MYO19: variants seen among roughly 807,000 people sequenced by gnomAD.
The protein encoded by MYO19 is myosin XIX.
MYO19 carries 132 observed loss-of-function variants against 129.2 expected under a neutral mutation model. The observed-to-expected ratio is 1.02, with a 90% CI of 0.89 to 1.18. The LOEUF is 1.18. MYO19 is among the 50% of genes most tolerant of loss of function. MYO19 has a pLI of 0.00. For synonymous variants in MYO19, 531 were observed against 477.2 expected (o/e 1.11, Z -1.47); for missense variants, 1,210 against 1,216.7 (o/e 0.99, Z 0.08).
intron 14 of MYO19, 25 bp from the exon 15 acceptor site, chr17:36,507,949 G>T: frequency 1.3e-6 from 2 of 1,578,290 alleles, no homozygotes; most frequent in Non-Finnish European, 1.7e-6. Flanking sequence ...GAGAACCCAT[G>T]GGGCCACTGC....
intron 2 of MYO19, 34 bp downstream of exon 2, chr17:36,533,919 A>T (rs1303051506): frequency 1.3e-5 from 2 of 151,658 alleles, no homozygotes; most frequent in Admixed American, 6.6e-5. Flanking sequence ...TCCAGATCTC[A>T]CGGGGCTAAA....
chr17:36,514,842 G>A (rs79993754), intron 8 of MYO19, among the ~76,000 whole-genome samples: 5 of 152,322 alleles, frequency 3.3e-5, no homozygotes, highest in Non-Finnish European at 7.3e-5. Flanking sequence ...CAAAGAGGTG[G>A]CAATTTAGCT....
intron 13 of MYO19, chr17:36,509,375 G>C (rs1353939529): frequency 3.5e-6 from 2 of 577,760 alleles, no homozygotes; most frequent in African/African-American, 1.9e-5. Flanking sequence ...CTTATGGGAA[G>C]ACTGAGCACA....
chr17:36,498,124 G>A (rs1037060391), intron 25 of MYO19, 142 bp downstream of exon 25: 22 of 810,746 alleles, frequency 2.7e-5, no homozygotes, highest in South Asian at 1.4e-4. Flanking sequence ...CAGCTGATTG[G>A]GACATGCAGC....
chr17:36,532,504 G>T, intron 3 of MYO19, 23 bp downstream of exon 3: 1 of 1,553,984 alleles, frequency 6.4e-7, no homozygotes, highest in Non-Finnish European at 8.7e-7. Flanking sequence ...GAGGGCCTGG[G>T]TTATCTAAGG....
At chr17:36,544,376 G>A (rs2074223408), upstream of MYO19, among the ~76,000 whole-genome samples, 1 of 152,132 alleles carries the variant, frequency 6.6e-6, no homozygotes, top group East Asian at 1.9e-4. Flanking sequence ...TCTTCCCACC[G>A]TGGGAAGCGA....
chr17:36,497,389 GA>G (rs886938719), intron 25 of MYO19, among the ~76,000 whole-genome samples: 11 of 151,426 alleles, frequency 7.3e-5, no homozygotes, highest in Non-Finnish European at 1.5e-4. Flanking sequence ...GCCAGAAAAG[GA>G]AAAAACCAAG....
intron 21 of MYO19, chr17:36,501,458 C>G: frequency 2.0e-6 from 1 of 494,472 alleles, no homozygotes; most frequent in Non-Finnish European, 3.6e-6. Context: ...TACCCACTTG[C>G]GCCTGTGTGT....
chr17:36,531,786 C>T (rs1374545066), intron 3 of MYO19, among the ~76,000 whole-genome samples: 1 of 152,118 alleles, frequency 6.6e-6, no homozygotes, highest in African/African-American at 2.4e-5. Context: ...CAGGCACTTA[C>T]CTACCCAAGA....
rs2070967646 is a variant in MYO19, at chr17:36,496,365, A to ATACCGCAGTGGAGACT, written c.2783_2798dup (p.Tyr933Ter). 3 of 1,613,926 alleles carry ATACCGCAGTGGAGACT rather than the reference A, an allele frequency of 1.9e-6. No individual in the cohort carries two copies. In the African/African-American group the frequency reaches 4.0e-5, roughly 22 times the overall value. The stretch of plus-strand genomic sequence containing the variant: ...GTGAAGGTTCAGGGCAGATGTCAGC[A>ATACCGCAGTGGAGACT]TACCGCAGTGGAGACTTTCTGCAGT... On this transcript the variant is annotated stop_gained and frameshift_variant, in exon 26 of 26. Transcript: ENST00000614623. LOFTEE classifies it high-confidence loss of function.
intron 5 of MYO19, among the ~76,000 whole-genome samples, chr17:36,526,766 A>G (rs1479564190): frequency 6.6e-6 from 1 of 152,164 alleles, no homozygotes; most frequent in Non-Finnish European, 1.5e-5. Flanking sequence ...GGGCACCTGT[A>G]GTCCCAGCTA....
At chr17:36,496,869 T>C (rs1901887899) in intron 25 of MYO19, among the ~76,000 whole-genome samples, 2 of 152,120 alleles carry the variant, frequency 1.3e-5, no homozygotes, top group African/African-American at 4.8e-5. Context: ...ATCCAGTGAA[T>C]GGGGCAGAAC....
chr17:36,517,205 G>A (rs1416771938), intron 6 of MYO19, among the ~76,000 whole-genome samples: 1 of 152,006 alleles, frequency 6.6e-6, no homozygotes, highest in African/African-American at 2.4e-5. Flanking sequence ...CCTGATACTG[G>A]TGATTTACAT....
At chr17:36,507,270 A>G in intron 16 of MYO19, 129 bp downstream of exon 16, 1 of 1,428,054 alleles carries the variant, frequency 7.0e-7, no homozygotes, top group East Asian at 2.3e-5. Context: ...CAGAAAAAAT[A>G]TAGCAATTAG....
chr17:36,505,563 C>A (rs889068507), intron 18 of MYO19, among the ~76,000 whole-genome samples, 159 bp from the exon 19 acceptor site: 5 of 152,188 alleles, frequency 3.3e-5, no homozygotes, highest in Non-Finnish European at 7.3e-5. Flanking sequence ...AGGCTCTCAA[C>A]GAGCAGGCTC....
At position 36,525,341 on chromosome 17, in the gene MYO19, T is replaced by C. The variant is rs755060544; in HGVS notation, c.301A>G (p.Lys101Glu). 63 of 1,607,630 alleles carry C rather than the reference T, an allele frequency of 3.9e-5. No individual in the cohort carries two copies. Among genetic ancestry groups the C allele is most frequent in the Non-Finnish European group, 4.4e-5 (52 of 1,174,618 alleles). The change falls in exon 6 of 26, where the codon AAA (lysine) becomes GAA (glutamate). Residue 101 changes from lysine to glutamate, a missense_variant and splice_region_variant. Lys to Glu is a moderately conservative substitution (Grantham distance 56, BLOSUM62 1). Transcript: ENST00000614623. ...ACAGTGAACACATGGGGCTTCAGTT[T>C]CTGGAACATCAAGGAGTGAAAGGTC... ...REYHAAPQPQ[K>E]LKPHVFTVGE...
chr17:36,511,474 T>C lies in MYO19; in HGVS notation c.895-19A>G. 1 of 1,552,750 alleles carries C rather than the reference T, an allele frequency of 6.4e-7. No homozygotes were observed. The highest frequency in any genetic ancestry group is 8.7e-7 in the Non-Finnish European group (1 of 1,147,500). ...CTAGGACCTGGGGGAAAGAAAAGGA[T>C]GGGTGGGAGTAGGAGAGGGCGTGAC... On this transcript the variant is annotated intron_variant, in intron 11 of 25. Transcript: ENST00000614623.
chr17:36,544,624 A>AG (rs1156763372), upstream of MYO19, among the ~76,000 whole-genome samples: 4 of 152,296 alleles, frequency 2.6e-5, no homozygotes, highest in Admixed American at 1.3e-4. Flanking sequence ...CCTGACGTCG[A>AG]GGGGCTTGCC....
chr17:36,508,182 A>C (rs1191055033), intron 14 of MYO19: 1 of 330,886 alleles, frequency 3.0e-6, no homozygotes, highest in Admixed American at 4.4e-5. Context: ...AAGACAGCCC[A>C]GAGCATCAGG....
Sources: allele counts gnomAD v4.1 joint callset (sites outside exome capture counted in the v4.1 genomes callset), GRCh38; gene constraint gnomAD v4.1.1; transcripts MANE v1.5; gene names NCBI Gene and HGNC (gene_info 2026-07-23, HGNC 2026-07-21).